Variants in SLC26A8 observed in about 807,000 individuals in gnomAD.
The protein encoded by SLC26A8 is testis anion transporter 1.
SLC26A8 carries 70 observed loss-of-function variants against 105.0 expected under a neutral mutation model. That is an observed-to-expected ratio of 0.67 (90% CI 0.55 to 0.81). The LOEUF is 0.81. SLC26A8 is among the 40% of genes least tolerant of loss of function. The pLI is 0.00. For synonymous variants in SLC26A8, 415 were observed against 438.3 expected (o/e 0.95, Z 0.66); for missense variants, 998 against 1,181.8 (o/e 0.84, Z 2.28).
In SLC26A8 at chr6:35,992,168, C is replaced by T. The variant is rs73729649; in HGVS notation, c.792+342G>A. ...TAGGAACTACTTAGTCTTGTATATC[C>T]TTTAGATGTTTTAGGATACATGTCT... On this transcript the variant is annotated intron_variant, in intron 6 of 19. Coordinates refer to ENST00000490799, the MANE Select transcript of SLC26A8 (RefSeq NM_052961.4). Among the ~76,000 whole-genome samples, 1,400 of 152,130 alleles carry T rather than the reference C, an allele frequency of 9.2e-3. 15 individuals are homozygous for T. The highest frequency in any genetic ancestry group is 0.032 in the African/African-American group (1,324 of 41,500).
chr6:35,965,736 A>C (rs1005353011), intron 11 of SLC26A8, among the ~76,000 whole-genome samples: 3 of 151,734 alleles, frequency 2.0e-5, no homozygotes, highest in Non-Finnish European at 2.9e-5. Flanking sequence ...CACACCTGTA[A>C]TCCCAGCACT....
chr6:36,009,889 C>T (rs776625015), intron 3 of SLC26A8, among the ~76,000 whole-genome samples: 10 of 152,156 alleles, frequency 6.6e-5, no homozygotes, highest in Non-Finnish European at 7.4e-5. Context: ...TTCTTACAAA[C>T]GCATGTGAAT....
At chr6:35,958,308 T>C (rs1772171558) in intron 16 of SLC26A8, among the ~76,000 whole-genome samples, 1 of 152,102 alleles carries the variant, frequency 6.6e-6, no homozygotes. Context: ...GAGACCAGCC[T>C]GACCAATATG....
At chr6:36,022,187 G>T (rs1347892585) in intron 1 of SLC26A8, among the ~76,000 whole-genome samples, 3 of 150,210 alleles carry the variant, frequency 2.0e-5, no homozygotes, top group Non-Finnish European at 3.0e-5. Context: ...GGCTGGTCTT[G>T]AATTCCCTAC....
intron 4 of SLC26A8, among the ~76,000 whole-genome samples, chr6:35,999,704 TGG>T (rs1411586451): frequency 6.6e-6 from 1 of 152,206 alleles, no homozygotes. Flanking sequence ...CTGCATCTTC[TGG>T]GTTGAGGGAA....
At chr6:36,008,595 G>A (rs1761759159) in intron 3 of SLC26A8, among the ~76,000 whole-genome samples, 1 of 152,184 alleles carries the variant, frequency 6.6e-6, no homozygotes, top group Non-Finnish European at 1.5e-5. Context: ...GAAAAGGCAG[G>A]CTCCAGACTG....
chr6:35,951,302 C>T lies in SLC26A8; in HGVS notation c.2333G>A (p.Gly778Asp), dbSNP rs1462763369. The change falls in exon 19 of 20, where the codon GGC becomes GAC. Residue 778 changes from glycine to aspartate, a missense_variant. Gly to Asp is a moderately conservative substitution (Grantham distance 94). Transcript: ENST00000490799. ...GAGGAACAGCTGGGTCTTGGTGATG[C>T]CAGCGTCAAAGAAATCATTCCTCTC... ...AFERNDFFDA[G>D]ITKTQLFLSV... is the part of the protein sequence containing the mutation. The T allele has an allele frequency of 6.2e-7, 1 of 1,614,074 alleles. No homozygotes were observed. The highest frequency in any genetic ancestry group is 8.5e-7 in the Non-Finnish European group (1 of 1,180,020).
chr6:35,955,738 C>A (rs1772035780), intron 16 of SLC26A8, among the ~76,000 whole-genome samples: 1 of 152,150 alleles, frequency 6.6e-6, no homozygotes. Context: ...CCACCCACGA[C>A]ACCCCCCTCC....
rs538307174 is a variant in SLC26A8 at position 35,980,884 on chromosome 6, G to A, written c.1025+1237C>T. On this transcript the variant is annotated intron_variant, in intron 8 of 19. Transcript: ENST00000490799. ...AAAAATTAGCCAGGCGTGGTGGCAG[G>A]CACCTGTAATTCCAGCTACTCAGGA... 2.5e-3 allele frequency among the ~76,000 whole-genome samples: 375 copies of A among 152,140 alleles called. 1 individual carries two copies. The highest frequency in any genetic ancestry group is 7.9e-3 in the African/African-American group (329 of 41,510).
chr6:36,010,863 A>G (rs1221794248), intron 3 of SLC26A8, among the ~76,000 whole-genome samples: 4 of 152,116 alleles, frequency 2.6e-5, no homozygotes, highest in Admixed American at 1.3e-4. Context: ...CAATCTGAGT[A>G]TACACCAAAA....
chr6:35,979,034 T>TA (rs70975118), intron 8 of SLC26A8, among the ~76,000 whole-genome samples: 8 of 141,434 alleles, frequency 5.7e-5, no homozygotes, highest in South Asian at 2.2e-4. Context: ...TTTTTTTTTT[T>TA]AGAAACGGAG....
rs1581627615 is a variant in SLC26A8, at chr6:35,955,391, C to T, written c.1993G>A (p.Val665Ile). 1 of 1,614,200 alleles carries T rather than the reference C, an allele frequency of 6.2e-7. No homozygotes were observed. The highest frequency in any genetic ancestry group is 8.5e-7 in the Non-Finnish European group (1 of 1,180,042). ...TASEDQVPYT[V>I]SSVSQKNQGQ... ...TGATTTTTCTGAGACACGGACGATA[C>T]TGTGTATGGCACTTGGTCTTCGGAT... is the stretch of plus-strand genomic sequence containing the variant. The change falls in exon 17 of 20, where the codon GTA becomes ATA. Residue 665 changes from valine to isoleucine, a missense_variant. Physicochemically the swap from Val to Ile is conservative, Grantham distance 29 (BLOSUM62 3). Transcript: ENST00000490799.
rs539286685 is a variant in SLC26A8, at chr6:35,944,423, C to A, written c.2473-83G>T. 3.2e-6 allele frequency: 3 copies of A among 947,732 alleles called. No individual in the cohort carries two copies. In the African/African-American group the frequency reaches 4.9e-5, roughly 16 times the overall value. 58.7% of individuals were successfully genotyped at this position (947,732 alleles called of 1,614,324 possible). A position where few individuals can be genotyped will look rare whatever the true frequency, so the allele number is the denominator to read the frequency against. ...CAGTGGCTCATACCTGTAATCCCAG[C>A]ACTTTGAGAGGCTGGGGCAGGAGAA... On this transcript the variant is annotated intron_variant, in intron 19 of 19. Transcript: ENST00000490799.
chr6:35,951,100 C>CACCCAACCCCCCCCAGCCCACCA, intron 19 of SLC26A8, 63 bp downstream of exon 19: 1 of 1,364,760 alleles, frequency 7.3e-7, no homozygotes, highest in East Asian at 2.5e-5. Flanking sequence ...AACCACCCCT[C>CACCCAACCCCCCCCAGCCCACCA]ACCCATCCCC....
intron 7 of SLC26A8, 82 bp from the exon 8 acceptor site, chr6:35,982,285 T>C (rs1007672308): frequency 7.3e-7 from 1 of 1,377,170 alleles, no homozygotes; most frequent in African/African-American, 1.4e-5. Context: ...GAGTTGCCCA[T>C]TGCCTCTGGC....
chr6:36,011,697 T>C (rs1374472019), intron 3 of SLC26A8, among the ~76,000 whole-genome samples: 1 of 152,170 alleles, frequency 6.6e-6, no homozygotes, highest in South Asian at 2.1e-4. Context: ...AGTCTCGACC[T>C]CCTGGGCTCA....
intron 19 of SLC26A8, among the ~76,000 whole-genome samples, 193 bp from the exon 20 acceptor site, chr6:35,944,533 T>C (rs1771600476): frequency 6.8e-6 from 1 of 147,692 alleles, no homozygotes; most frequent in African/African-American, 2.5e-5. Context: ...ATTATAATTA[T>C]TATATAATAA....
intron 7 of SLC26A8, among the ~76,000 whole-genome samples, chr6:35,984,377 C>T (rs1314294416): frequency 1.5e-5 from 2 of 136,056 alleles, no homozygotes; most frequent in Non-Finnish European, 3.0e-5. Context: ...GGCTGGAGTG[C>T]AGTGGCACAA....
At position 35,955,193 on chromosome 6, in the gene SLC26A8, C is replaced by T. The variant is rs559176786; in HGVS notation, c.2191G>A (p.Val731Ile). 158 of 1,614,136 alleles carry T rather than the reference C, an allele frequency of 9.8e-5. 1 individual carries two copies. The East Asian group carries it at 2.9e-3, about 29-fold the overall frequency. Residue 731 changes from valine (V) to isoleucine (I), a missense_variant, in exon 17 of 20, where the codon GTA (valine) becomes ATA (isoleucine). Transcript: ENST00000490799. ...VHTIILDFSM[V>I]HYVDSRGLVV... ...AACCCCCGTGAATCCACGTAGTGTACCATGGAGAAATCCAGGATGATGGTG... is the reference window on the plus strand; with the variant it reads ...AACCCCCGTGAATCCACGTAGTGTATCATGGAGAAATCCAGGATGATGGTG...
Sources: gnomAD v4.1 joint callset for allele counts (sites outside exome capture counted in the v4.1 genomes callset) on GRCh38, gnomAD v4.1.1 for gene constraint, MANE v1.5 for transcripts, NCBI Gene and HGNC (gene_info 2026-07-23, HGNC 2026-07-21) for gene names.